NFKB1: variants seen among roughly 807,000 people sequenced by gnomAD.
NFKB1 encodes the protein nuclear factor kappa B subunit 1, also known as nuclear factor NF-kappa-B p105 subunit.
NFKB1 carries 9 observed loss-of-function variants against 105.1 expected under a neutral mutation model. The ratio of observed to expected loss-of-function variants is 0.09; its 90% CI spans 0.05 to 0.15. The LOEUF (loss-of-function observed/expected upper bound fraction) is 0.15. Among genes scored for constraint, NFKB1 ranks in the 10% least tolerant of loss-of-function variants. The pLI, the probability that NFKB1 is intolerant of heterozygous loss-of-function variation, is 1.00. For synonymous variants in NFKB1, 440 were observed against 442.2 expected (o/e 1.00, Z 0.06); for missense variants, 830 against 1,203.7 (o/e 0.69, Z 4.59).
In NFKB1 at chr4:102,564,891, C is replaced by T. The variant is rs563588990; in HGVS notation, c.259-2096C>T. Among the ~76,000 whole-genome samples, 18 of 152,266 alleles carry T rather than the reference C, an allele frequency of 1.2e-4. 1 individual carries two copies. The South Asian group carries it at 2.7e-3, about 23-fold the overall frequency. On this transcript the variant is annotated intron_variant, in intron 5 of 23. Coordinates refer to ENST00000226574, the MANE Select transcript of NFKB1 (RefSeq NM_003998.4). ...AAAAGTGTAATTACATGGTTTATTT[C>T]GTGTTCTTTCACTCTTGATTTATTG...
intron 16 of NFKB1, among the ~76,000 whole-genome samples, chr4:102,601,960 C>T (rs966012856): frequency 2.6e-5 from 4 of 152,136 alleles, no homozygotes; most frequent in African/African-American, 7.2e-5. Flanking sequence ...TTCCCTTCAT[C>T]GACCCGAAGC....
At chr4:102,504,138 G>A (rs982175772) in intron 1 of NFKB1, among the ~76,000 whole-genome samples, 1 of 152,074 alleles carries the variant, frequency 6.6e-6, no homozygotes, top group Admixed American at 6.6e-5. Flanking sequence ...AAAAGTAGTC[G>A]ATATTTTCAA....
At chr4:102,565,673 C>T (rs1015749743) in intron 5 of NFKB1, among the ~76,000 whole-genome samples, 6 of 151,986 alleles carry the variant, frequency 3.9e-5, no homozygotes, top group African/African-American at 1.4e-4. Flanking sequence ...CATCCTCCCT[C>T]CCTCTCTCCC....
intron 1 of NFKB1, among the ~76,000 whole-genome samples, chr4:102,523,006 G>A (rs1740665808): frequency 6.6e-6 from 1 of 152,008 alleles, no homozygotes. Flanking sequence ...TAAGACTTAG[G>A]GGATATGTTC....
intron 5 of NFKB1, among the ~76,000 whole-genome samples, chr4:102,544,692 A>G (rs1252071967): frequency 6.6e-6 from 1 of 152,164 alleles, no homozygotes; most frequent in African/African-American, 2.4e-5. Flanking sequence ...ATATTTTTTT[A>G]AATAGCCCTC....
At chr4:102,609,430 G>C (rs1446257514) in intron 19 of NFKB1, among the ~76,000 whole-genome samples, 2 of 151,776 alleles carry the variant, frequency 1.3e-5, no homozygotes, top group African/African-American at 4.8e-5. Context: ...TGGCCAACAT[G>C]ACGAAACCCC....
At chr4:102,589,820 A>G (rs2149199084) in intron 11 of NFKB1, among the ~76,000 whole-genome samples, 1 of 152,312 alleles carries the variant, frequency 6.6e-6, no homozygotes, top group South Asian at 2.1e-4. Flanking sequence ...CCAGCCCAAA[A>G]AAAGAGAAGA....
chr4:102,601,161 A>G, intron 16 of NFKB1, 152 bp downstream of exon 16: 1 of 588,086 alleles, frequency 1.7e-6, no homozygotes, highest in Non-Finnish European at 3.0e-6. Context: ...CCATTAGTTG[A>G]GAATGTTACT....
intron 5 of NFKB1, among the ~76,000 whole-genome samples, chr4:102,565,846 T>A (rs1015990698): frequency 6.6e-6 from 1 of 152,168 alleles, no homozygotes; most frequent in Non-Finnish European, 1.5e-5. Flanking sequence ...GTTATTCAGT[T>A]CTTCAAAAAG....
rs558097730 is a variant in NFKB1 at position 102,606,626 on chromosome 4, A to G, written c.1883A>G (p.His628Arg). The G allele has an allele frequency of 4.3e-6, 7 of 1,614,228 alleles. No individual in the cohort carries two copies. The African/African-American group carries it at 8.0e-5, about 18-fold the overall frequency. Residue 628 changes from histidine (H) to arginine (R), a missense_variant, in exon 17 of 24, where the codon CAT becomes CGT. Coordinates refer to ENST00000226574, the MANE Select transcript of NFKB1 (RefSeq NM_003998.4). Reference sequence around the variant, plus strand: ...TTGCACCTAGCTGCCAAAGAAGGACATGATAAAGTTCTCAGTATCTTACTC... The same window carrying G: ...TTGCACCTAGCTGCCAAAGAAGGACGTGATAAAGTTCTCAGTATCTTACTC... ...SVLHLAAKEG[H>R]DKVLSILLKH...
chr4:102,611,135 T>G (rs1728372453), intron 20 of NFKB1, among the ~76,000 whole-genome samples: 1 of 152,182 alleles, frequency 6.6e-6, no homozygotes, highest in South Asian at 2.1e-4. Flanking sequence ...GTAAATAGAT[T>G]TAAAGCCTTC....
At chr4:102,539,236 CAAAAAA>C (rs550342036) in intron 5 of NFKB1, among the ~76,000 whole-genome samples, 3,073 of 95,630 alleles carry the variant, frequency 0.032, 54 homozygotes, top group African/African-American at 0.079. Context: ...GACTCTGTCT[CAAAAAA>C]AAAAAAAAAA....
chr4:102,538,770 T>A (rs1288172934), intron 5 of NFKB1, among the ~76,000 whole-genome samples: 1 of 152,186 alleles, frequency 6.6e-6, no homozygotes, highest in Admixed American at 6.5e-5. Context: ...CAATTGTAAT[T>A]TAGTTTTTTA....
Position 102,577,038 on chromosome 4 carries a change from A to T in NFKB1, c.570A>T (p.Gly190=). Residue 190 remains glycine, a splice_region_variant and synonymous_variant, in exon 7 of 24, where the codon GGA becomes GGT. Coordinates refer to ENST00000226574, the MANE Select transcript of NFKB1 (RefSeq NM_003998.4). ...AAGGTGGAGGGGACCGGCAGCTGGG[A>T]GGTAAGCATCATTTTCCTGGCCTTG... ...QAEGGGDRQL[G]DREKELIRQA... 2 of 1,607,974 alleles carry T rather than the reference A, an allele frequency of 1.2e-6. No individual in the cohort carries two copies. Among genetic ancestry groups the T allele is most frequent in the Non-Finnish European group, 1.7e-6 (2 of 1,178,178 alleles).
chr4:102,519,531 A>G (rs1188349859), intron 1 of NFKB1, among the ~76,000 whole-genome samples: 2 of 151,840 alleles, frequency 1.3e-5, no homozygotes. Flanking sequence ...TTGAGTTAAC[A>G]TTGTTTGGTA....
chr4:102,545,238 A>C (rs1233538762), intron 5 of NFKB1, among the ~76,000 whole-genome samples: 2 of 151,656 alleles, frequency 1.3e-5, no homozygotes, highest in Non-Finnish European at 2.9e-5. Flanking sequence ...TTTTCTCCCC[A>C]CCCTCCAGAT....
chr4:102,586,396 T>A (rs1274396994), intron 11 of NFKB1, among the ~76,000 whole-genome samples: 1 of 152,060 alleles, frequency 6.6e-6, no homozygotes, highest in Admixed American at 6.6e-5. Flanking sequence ...ATGTTATATT[T>A]TAGGTCCCTG....
chr4:102,604,989 C>G (rs1374422950), intron 16 of NFKB1, among the ~76,000 whole-genome samples: 1 of 151,348 alleles, frequency 6.6e-6, no homozygotes, highest in Non-Finnish European at 1.5e-5. Flanking sequence ...AAAAAAACCT[C>G]TCCGACTCAT....
intron 1 of NFKB1, among the ~76,000 whole-genome samples, chr4:102,502,375 T>TGCGC (rs748607205): frequency 0.039 from 3,281 of 83,400 alleles, 149 homozygotes; most frequent in Admixed American, 0.083. Flanking sequence ...CCCCCCTCCG[T>TGCGC]GCGCGCGCGC....
Sources: allele counts gnomAD v4.1 joint callset (sites outside exome capture counted in the v4.1 genomes callset), GRCh38; gene constraint gnomAD v4.1.1; transcripts MANE v1.5; gene names NCBI Gene and HGNC (gene_info 2026-07-23, HGNC 2026-07-21).